The following SGCZ variants were observed in gnomAD, a reference collection of about 807,000 sequenced individuals.
SGCZ encodes sarcoglycan zeta.
Under a neutral mutation model 41.3 loss-of-function variants are expected in SGCZ, and 40 were observed. The observed-to-expected ratio is 0.97, with a 90% CI of 0.75 to 1.26. SGCZ has a LOEUF of 1.26. SGCZ is among the 50% of genes most tolerant of loss of function. SGCZ has a pLI of 0.00. For missense variants in SGCZ, 552 were observed against 369.8 expected (o/e 1.49, Z -4.04); for synonymous variants, 206 against 137.5 (o/e 1.50, Z -3.49).
chr8:14,230,932 G>A (rs1260116672), intron 4 of SGCZ, among the ~76,000 whole-genome samples: 1 of 151,962 alleles, frequency 6.6e-6, no homozygotes, highest in East Asian at 1.9e-4. Context: ...AACATACGTG[G>A]TTGTACAAAT....
chr8:15,001,824 T>G (rs980505769), intron 1 of SGCZ, among the ~76,000 whole-genome samples: 1 of 151,882 alleles, frequency 6.6e-6, no homozygotes, highest in African/African-American at 2.4e-5. Flanking sequence ...GCCATTATTA[T>G]CTTCATTTTG....
chr8:14,816,504 C>T (rs948702419), intron 1 of SGCZ, among the ~76,000 whole-genome samples: 7 of 152,150 alleles, frequency 4.6e-5, no homozygotes, highest in Admixed American at 4.6e-4. Context: ...ATTCAACTTT[C>T]TGTTCATCAG....
chr8:14,320,764 G>A (rs1801890541), intron 3 of SGCZ, among the ~76,000 whole-genome samples: 1 of 152,052 alleles, frequency 6.6e-6, no homozygotes, highest in African/African-American at 2.4e-5. Flanking sequence ...CTTCCAGTCT[G>A]TCATGTAGGA....
At chr8:14,797,698 G>C (rs1015951018) in intron 1 of SGCZ, among the ~76,000 whole-genome samples, 3 of 152,326 alleles carry the variant, frequency 2.0e-5, no homozygotes, top group Admixed American at 2.0e-4. Flanking sequence ...AGAGACCTTT[G>C]TGGCAGCCCC....
chr8:14,415,046 T>C (rs1799457893), intron 2 of SGCZ, among the ~76,000 whole-genome samples: 1 of 151,944 alleles, frequency 6.6e-6, no homozygotes. Context: ...ATTATCCTGC[T>C]ACTTATATCT....
At chr8:15,020,169 C>T (rs1333463426) in intron 1 of SGCZ, among the ~76,000 whole-genome samples, 4 of 152,096 alleles carry the variant, frequency 2.6e-5, no homozygotes. Flanking sequence ...ATCATCTCTA[C>T]TGAGTCATGC....
intron 1 of SGCZ, among the ~76,000 whole-genome samples, chr8:14,719,386 G>A (rs1440726920): frequency 2.0e-5 from 3 of 150,318 alleles, no homozygotes; most frequent in Non-Finnish European, 4.4e-5. Flanking sequence ...GGATGGCTGG[G>A]TCAAATGGTA....
chr8:14,989,923 A>G (rs1337651227), intron 1 of SGCZ, among the ~76,000 whole-genome samples: 1 of 152,202 alleles, frequency 6.6e-6, no homozygotes, highest in Non-Finnish European at 1.5e-5. Flanking sequence ...GTCCTGGGTT[A>G]GGAACTCTTC....
intron 2 of SGCZ, among the ~76,000 whole-genome samples, chr8:14,551,707 C>T (rs1186505163): frequency 1.2e-5 from 1 of 84,474 alleles, no homozygotes; most frequent in East Asian, 2.8e-4. Flanking sequence ...TTATTTATTT[C>T]TATCCTAAGT....
intron 3 of SGCZ, chr8:14,309,695 C>G: frequency 6.2e-7 from 1 of 1,609,710 alleles, no homozygotes; most frequent in South Asian, 1.1e-5. Context: ...TCTGAGTATT[C>G]TCACAGGAGA....
At chr8:15,140,282 C>T (rs1219170482) in intron 1 of SGCZ, among the ~76,000 whole-genome samples, 1 of 152,120 alleles carries the variant, frequency 6.6e-6, no homozygotes, top group Non-Finnish European at 1.5e-5. Flanking sequence ...ACATTGGCCT[C>T]CCAAAGTGCT....
At chr8:14,814,724 T>A (rs945338651) in intron 1 of SGCZ, among the ~76,000 whole-genome samples, 2 of 152,184 alleles carry the variant, frequency 1.3e-5, no homozygotes, top group Non-Finnish European at 2.9e-5. Context: ...TTGACTTCTC[T>A]CATCACCAAA....
intron 1 of SGCZ, among the ~76,000 whole-genome samples, chr8:14,633,468 C>A (rs969157727): frequency 6.6e-6 from 1 of 151,816 alleles, no homozygotes; most frequent in Non-Finnish European, 1.5e-5. Context: ...GTTATTTCAG[C>A]AAAATAAATA....
chr8:14,584,589 G>C (rs1182250079), intron 1 of SGCZ, among the ~76,000 whole-genome samples: 2 of 152,098 alleles, frequency 1.3e-5, no homozygotes, highest in East Asian at 3.9e-4. Flanking sequence ...AGGTTACAAA[G>C]TAATCTTATT....
chr8:14,563,509 G>A (rs1014024756), intron 1 of SGCZ, among the ~76,000 whole-genome samples: 22 of 152,174 alleles, frequency 1.4e-4, no homozygotes, highest in Admixed American at 1.4e-3. Context: ...ACTATCAATA[G>A]AATGCCTTGT....
intron 1 of SGCZ, among the ~76,000 whole-genome samples, chr8:14,560,564 T>C (rs1585080479): frequency 6.6e-6 from 1 of 152,124 alleles, no homozygotes; most frequent in Non-Finnish European, 1.5e-5. Flanking sequence ...TTAAGTGCTA[T>C]GACTCTTCAG....
At chr8:14,447,350 T>C (rs1296354566) in intron 2 of SGCZ, among the ~76,000 whole-genome samples, 4 of 152,170 alleles carry the variant, frequency 2.6e-5, no homozygotes, top group Admixed American at 2.6e-4. Context: ...AATACAAATC[T>C]TGAGCCATTT....
At chr8:14,105,324 C>A (rs757459345) in intron 6 of SGCZ, among the ~76,000 whole-genome samples, 6 of 152,026 alleles carry the variant, frequency 3.9e-5, no homozygotes, top group Non-Finnish European at 7.4e-5. Flanking sequence ...TATTAATACT[C>A]TATTAATAAA....
intron 1 of SGCZ, among the ~76,000 whole-genome samples, chr8:15,050,985 C>G (rs1260780578): frequency 6.6e-6 from 1 of 152,118 alleles, no homozygotes; most frequent in East Asian, 1.9e-4. Context: ...GTTGCAAAGT[C>G]AAGAAACATC....
Sources: allele counts gnomAD v4.1 joint callset (sites outside exome capture counted in the v4.1 genomes callset), GRCh38; gene constraint gnomAD v4.1.1; transcripts MANE v1.5; gene names NCBI Gene and HGNC (gene_info 2026-07-23, HGNC 2026-07-21).